RNF38: variants seen among roughly 807,000 people sequenced by gnomAD.
RNF38 encodes the protein ring finger protein 38, also known as E3 ubiquitin-protein ligase RNF38.
In RNF38, 15 loss-of-function variants were observed where a neutral mutation model predicts 67.2. The observed-to-expected ratio is 0.22, with a 90% CI of 0.15 to 0.34. The LOEUF (loss-of-function observed/expected upper bound fraction) is 0.34. RNF38 is among the 10% of genes least tolerant of loss of function. The probability of loss-of-function intolerance (pLI) is 1.00; values close to 1 mark genes in which losing one functional copy is unlikely to be tolerated. For synonymous variants in RNF38, 220 were observed against 218.8 expected (o/e 1.01, Z -0.05); for missense variants, 524 against 639.9 (o/e 0.82, Z 1.95).
At chr9:36,385,070 A>G (rs1198791217) in intron 2 of RNF38, among the ~76,000 whole-genome samples, 1 of 152,192 alleles carries the variant, frequency 6.6e-6, no homozygotes, top group Non-Finnish European at 1.5e-5. Context: ...ATGCTATGGT[A>G]GGTTGGCATT....
At chr9:36,473,855 C>CA (rs1840057172) in intron 1 of RNF38, among the ~76,000 whole-genome samples, 1 of 149,980 alleles carries the variant, frequency 6.7e-6, no homozygotes, top group Non-Finnish European at 1.5e-5. Context: ...GGCGTGGTGG[C>CA]AGGCACCTGT....
chr9:36,340,141 G>C lies in RNF38; in HGVS notation c.1486-327C>G, dbSNP rs576162270. Among the ~76,000 whole-genome samples the C allele has an allele frequency of 1.1e-3, 172 of 152,176 alleles. 1 individual carries two copies. The highest frequency in any genetic ancestry group is 2.2e-3 in the Non-Finnish European group (147 of 67,996). ...ATTACAGGTGCCCACCACCATGCCT[G>C]GCTAATTTTTGTATTTTAGTAGAGA... On this transcript the variant is annotated intron_variant, in intron 11 of 11. Coordinates refer to ENST00000259605, the MANE Select transcript of RNF38 (RefSeq NM_022781.5).
intron 1 of RNF38, among the ~76,000 whole-genome samples, chr9:36,466,947 G>A (rs534301219): frequency 5.3e-5 from 8 of 150,506 alleles, no homozygotes; most frequent in African/African-American, 2.0e-4. Context: ...GGAGGCTGAG[G>A]CAGGCAGTTT....
chr9:36,401,327 A>T, upstream of RNF38: 17 of 516,776 alleles, frequency 3.3e-5, no homozygotes, highest in South Asian at 9.0e-5. Flanking sequence ...TGCCCTGCGG[A>T]CCGCAGGGCC....
At chr9:36,457,851 A>G (rs1387587846) in intron 1 of RNF38, among the ~76,000 whole-genome samples, 1 of 152,206 alleles carries the variant, frequency 6.6e-6, no homozygotes. Context: ...TCCAAAAAAA[A>G]AAAAATTATC....
At chr9:36,421,678 A>G (rs1039795488) in intron 2 of RNF38, among the ~76,000 whole-genome samples, 1 of 152,094 alleles carries the variant, frequency 6.6e-6, no homozygotes, top group Admixed American at 6.5e-5. Flanking sequence ...ATAAAAATAA[A>G]TAAATAAAAT....
At chr9:36,478,464 T>C (rs1187240800) in intron 1 of RNF38, among the ~76,000 whole-genome samples, 26 of 151,188 alleles carry the variant, frequency 1.7e-4, no homozygotes, top group African/African-American at 6.1e-4. Context: ...TAAACTGATT[T>C]TTTTTCTGGT....
At chr9:36,385,788 A>G (rs1031770745) in intron 2 of RNF38, among the ~76,000 whole-genome samples, 5 of 152,210 alleles carry the variant, frequency 3.3e-5, no homozygotes, top group Non-Finnish European at 5.9e-5. Flanking sequence ...TGGTCAACAG[A>G]AAGGGCCCAG....
At chr9:36,474,312 C>CA (rs1017154912) in intron 1 of RNF38, among the ~76,000 whole-genome samples, 1 of 144,628 alleles carries the variant, frequency 6.9e-6, no homozygotes, top group African/African-American at 2.7e-5. Context: ...GACTCCGTCT[C>CA]AAAAAAAAGA....
At chr9:36,403,886 TG>T (rs1838118581), upstream of RNF38, among the ~76,000 whole-genome samples, 1 of 152,252 alleles carries the variant, frequency 6.6e-6, no homozygotes. Flanking sequence ...TATACCATCA[TG>T]TTTTTCTCTT....
In RNF38 at chr9:36,338,664, G is replaced by GA. The variant is rs1832620439; in HGVS notation, c.*1087dup. The GA allele has an allele frequency of 6.6e-6, 1 of 152,424 alleles. No individual in the cohort carries two copies. Among genetic ancestry groups the GA allele is most frequent in the South Asian group, 2.1e-4 (1 of 4,830 alleles). 9.4% of individuals were successfully genotyped at this position (152,424 alleles called of 1,614,324 possible). A position where few individuals can be genotyped will look rare whatever the true frequency, so the allele number is the denominator to read the frequency against. ...TGAATTAACAGGTTTTGTTCTGGTG[G>GA]AAGTCAACAAGGTGAGACTTCATGG... On this transcript the variant is annotated 3_prime_UTR_variant, in exon 12 of 12. Coordinates refer to ENST00000259605, the MANE Select transcript of RNF38 (RefSeq NM_022781.5).
chr9:36,393,524 G>GTGTGTGTGTGTGTGT (rs1554689613), intron 1 of RNF38, among the ~76,000 whole-genome samples: 67 of 84,332 alleles, frequency 7.9e-4, no homozygotes, highest in East Asian at 1.7e-3. Context: ...TGTGTGTGTG[G>GTGTGTGTGTGTGTGT]GGCAGGCAGT....
chr9:36,410,207 A>G (rs1464641852), intron 2 of RNF38, among the ~76,000 whole-genome samples: 2 of 152,366 alleles, frequency 1.3e-5, no homozygotes, highest in East Asian at 3.9e-4. Flanking sequence ...GGATAATGTA[A>G]AATTATTAAA....
chr9:36,468,178 G>C (rs529526331), intron 1 of RNF38, among the ~76,000 whole-genome samples: 3 of 151,730 alleles, frequency 2.0e-5, no homozygotes, highest in Admixed American at 2.0e-4. Context: ...GAAGCTCAAG[G>C]CTGCAGTGGG....
chr9:36,390,735 G>A (rs1283049101), intron 1 of RNF38, 119 bp from the exon 2 acceptor site: 1 of 1,046,270 alleles, frequency 9.6e-7, no homozygotes, highest in Non-Finnish European at 1.4e-6. Context: ...GCGAAGACAG[G>A]AAAGAAATTA....
chr9:36,437,856 C>T (rs1408873934), intron 1 of RNF38, among the ~76,000 whole-genome samples: 1 of 152,198 alleles, frequency 6.6e-6, no homozygotes, highest in East Asian at 1.9e-4. Flanking sequence ...GCAGCCAATG[C>T]TAATTCTTAG....
At position 36,339,849 on chromosome 9, in the gene RNF38, GACACATACAATGAA is replaced by G. The variant is rs757768045; in HGVS notation, c.1486-49_1486-36del. ...AAAAAGGAAAACTTGTTTAAATTGT[GACACATACAATGAA>G]ACACATTCAAAGCAATGGAACTACT... On this transcript the variant is annotated intron_variant, in intron 11 of 11. Coordinates refer to ENST00000259605, the MANE Select transcript of RNF38 (RefSeq NM_022781.5). 2.6e-6 allele frequency: 4 copies of G among 1,535,220 alleles called. No individual in the cohort carries two copies. The African/African-American group carries it at 5.5e-5, about 21-fold the overall frequency.
intron 2 of RNF38, among the ~76,000 whole-genome samples, chr9:36,389,744 TTGA>T (rs1391499957): frequency 1.3e-5 from 2 of 152,188 alleles, no homozygotes; most frequent in Non-Finnish European, 2.9e-5. Context: ...AGTCCCAGCC[TTGA>T]TGATCAATTA....
In RNF38 at chr9:36,436,750, G is replaced by C. The variant is rs532008721; in HGVS notation, n.242-12067C>G. 2.4e-3 allele frequency among the ~76,000 whole-genome samples: 363 copies of C among 150,924 alleles called. 1 individual carries two copies. The highest frequency in any genetic ancestry group is 8.4e-3 in the African/African-American group (345 of 41,024). ...AGGGAGGAGAATGGCGTGGACCCGGGAGGTGGAGCTTGCGTGAGCCCAGAT... is the reference window on the plus strand; with the variant it reads ...AGGGAGGAGAATGGCGTGGACCCGGCAGGTGGAGCTTGCGTGAGCCCAGAT... On this transcript the variant is annotated intron_variant and non_coding_transcript_variant, in intron 1 of 3. Transcript: ENST00000488058.
Sources: allele counts gnomAD v4.1 joint callset (sites outside exome capture counted in the v4.1 genomes callset), GRCh38; gene constraint gnomAD v4.1.1; transcripts MANE v1.5; gene names NCBI Gene and HGNC (gene_info 2026-07-23, HGNC 2026-07-21).